The following RELL1 variants were observed in gnomAD, a reference collection of about 807,000 sequenced individuals.
RELL1 encodes the protein RELT-like protein 1.
A neutral mutation model predicts 23.0 loss-of-function variants in RELL1; 10 were observed. The observed-to-expected ratio is 0.43, with a 90% CI of 0.27 to 0.74. RELL1 has a LOEUF of 0.74. Among genes scored for constraint, RELL1 ranks in the 30% least tolerant of loss-of-function variants. The probability of loss-of-function intolerance (pLI) is 0.19; values close to 1 mark genes in which losing one functional copy is unlikely to be tolerated. For synonymous variants in RELL1, 146 were observed against 146.8 expected (o/e 0.99, Z 0.04); for missense variants, 315 against 364.4 (o/e 0.86, Z 1.10).
chr4:37,671,377 C>T (rs1444095041), intron 1 of RELL1, among the ~76,000 whole-genome samples: 1 of 152,172 alleles, frequency 6.6e-6, no homozygotes, highest in Non-Finnish European at 1.5e-5. Context: ...AGGAGATCAG[C>T]ATAAGATACA....
downstream of RELL1, among the ~76,000 whole-genome samples, chr4:37,606,050 AGAAAG>A (rs778447247): frequency 7.9e-4 from 119 of 149,984 alleles, 1 homozygote; most frequent in East Asian, 0.021. The surrounding 1 kb of genome is among the most constrained non-coding windows in gnomAD (Gnocchi z 4.1). Flanking sequence ...AAGAAAAAGA[AGAAAG>A]GGAAGGAAGG....
At chr4:37,604,881 A>T (rs1719137394) in intron 6 of RELL1, among the ~76,000 whole-genome samples, 1 of 52,616 alleles carries the variant, frequency 1.9e-5, no homozygotes, top group African/African-American at 8.7e-5. Flanking sequence ...ACACACACAT[A>T]CACACAGACA....
At chr4:37,619,444 G>A (rs1560331685) in intron 6 of RELL1, among the ~76,000 whole-genome samples, 2 of 152,132 alleles carry the variant, frequency 1.3e-5, no homozygotes, top group Non-Finnish European at 2.9e-5. Flanking sequence ...GCCTCCCAAA[G>A]TGCTGGGATT....
intron 1 of RELL1, among the ~76,000 whole-genome samples, chr4:37,660,988 G>T (rs1391142824): frequency 6.6e-6 from 1 of 151,258 alleles, no homozygotes; most frequent in African/African-American, 2.4e-5. Flanking sequence ...CCGAGACTGT[G>T]CCACTGCACT....
At chr4:37,605,126 G>A (rs1454582111) in intron 6 of RELL1, among the ~76,000 whole-genome samples, 2 of 152,336 alleles carry the variant, frequency 1.3e-5, no homozygotes, top group East Asian at 3.9e-4. Context: ...AAGGAAAGCA[G>A]GAAGCTTAGA....
chr4:37,590,118 T>C (rs1235941627), downstream of RELL1: 2 of 1,614,066 alleles, frequency 1.2e-6, no homozygotes, highest in Non-Finnish European at 1.7e-6. Flanking sequence ...AAGTGCCCTC[T>C]CCTGGCTATG....
At chr4:37,670,519 G>A (rs1420207251) in intron 1 of RELL1, among the ~76,000 whole-genome samples, 2 of 151,490 alleles carry the variant, frequency 1.3e-5, no homozygotes. Flanking sequence ...AAAACACAAT[G>A]TAAACACATA....
At chr4:37,614,349 C>T (rs1719503974) in intron 6 of RELL1, among the ~76,000 whole-genome samples, 1 of 151,874 alleles carries the variant, frequency 6.6e-6, no homozygotes, top group African/African-American at 2.4e-5. Flanking sequence ...AGAGACAGAG[C>T]ACAAGAGGAA....
At chr4:37,668,584 A>C (rs369740708) in intron 1 of RELL1, among the ~76,000 whole-genome samples, 4 of 152,124 alleles carry the variant, frequency 2.6e-5, no homozygotes, top group South Asian at 2.1e-4. Context: ...ACCTCCCAGC[A>C]GCCTGCCTTG....
At chr4:37,622,798 GCTTTTT>G in intron 6 of RELL1, 2 of 418,310 alleles carry the variant, frequency 4.8e-6, no homozygotes, top group African/African-American at 2.2e-5. Context: ...CTCAAGTAAT[GCTTTTT>G]TTTTTTTTTT....
intron 3 of RELL1, among the ~76,000 whole-genome samples, chr4:37,639,383 CAAA>C (rs58310167): frequency 1.5e-5 from 1 of 66,254 alleles, no homozygotes; most frequent in Non-Finnish European, 2.8e-5. Context: ...GACTCTGTCT[CAAA>C]AAAAAAAAAA....
intron 3 of RELL1, 88 bp downstream of exon 3, chr4:37,647,280 G>C: frequency 1.2e-6 from 1 of 839,060 alleles, no homozygotes; most frequent in Non-Finnish European, 2.0e-6. Flanking sequence ...GTCAGTAAGA[G>C]AGTCTATATA....
intron 6 of RELL1, among the ~76,000 whole-genome samples, chr4:37,595,085 A>G (rs990008872): frequency 1.3e-5 from 2 of 152,198 alleles, no homozygotes; most frequent in African/African-American, 4.8e-5. Flanking sequence ...ATTAAACCTC[A>G]TGCATTTTTA....
chr4:37,588,944 G>A (rs1044126427), downstream of RELL1: 1 of 1,480,790 alleles, frequency 6.8e-7, no homozygotes, highest in Non-Finnish European at 9.4e-7. Flanking sequence ...AATTTGTGAT[G>A]AGCGTGGGGT....
At chr4:37,628,390 C>T (rs1185689936) in intron 6 of RELL1, among the ~76,000 whole-genome samples, 1 of 152,146 alleles carries the variant, frequency 6.6e-6, no homozygotes, top group African/African-American at 2.4e-5. Flanking sequence ...GCGAGGATTA[C>T]AGAAATTAGC....
intron 1 of RELL1, among the ~76,000 whole-genome samples, chr4:37,669,005 T>TGGG (rs1331662561): frequency 0.011 from 1,255 of 116,968 alleles, 11 homozygotes; most frequent in Middle Eastern, 0.044. Context: ...AGGAGAGAGG[T>TGGG]GGGGGGGTCA....
intron 3 of RELL1, 84 bp from the exon 4 acceptor site, chr4:37,638,588 C>A: frequency 9.7e-7 from 1 of 1,034,780 alleles, no homozygotes; most frequent in Non-Finnish European, 1.4e-6. Flanking sequence ...GAAAACACAT[C>A]TAATTCCATT....
At chr4:37,623,439 T>G (rs1409959816) in intron 6 of RELL1, 1 of 153,118 alleles carries the variant, frequency 6.5e-6, no homozygotes, top group Admixed American at 6.5e-5. Context: ...AAGTATAAAT[T>G]TCTTCCCATC....
intron 1 of RELL1, among the ~76,000 whole-genome samples, chr4:37,652,654 G>A (rs1720989773): frequency 6.6e-6 from 1 of 152,158 alleles, no homozygotes; most frequent in African/African-American, 2.4e-5. Flanking sequence ...CAGAATTGGA[G>A]TCAAACACCT....
Sources: allele counts gnomAD v4.1 joint callset (sites outside exome capture counted in the v4.1 genomes callset), GRCh38; gene constraint gnomAD v4.1.1; non-coding constraint Gnocchi (gnomAD v3.1); transcripts MANE v1.5; gene names NCBI Gene and HGNC (gene_info 2026-07-23, HGNC 2026-07-21).